PPP2R3B: variants seen among roughly 807,000 people sequenced by gnomAD.
PPP2R3B encodes serine/threonine-protein phosphatase 2A regulatory subunit B'' subunit beta.
Under a neutral mutation model 72.9 loss-of-function variants are expected in PPP2R3B, and 68 were observed. The observed-to-expected ratio is 0.93, with a 90% CI of 0.77 to 1.14. The LOEUF is 1.14. Among genes scored for constraint, PPP2R3B ranks in the 50% most tolerant of loss-of-function variants. The pLI is 0.00. For synonymous variants in PPP2R3B, 466 were observed against 375.8 expected, an observed-to-expected ratio of 1.24 and a Z score of -2.78; for missense variants, 1,018 against 842.0, an observed-to-expected ratio of 1.21 and a Z score of -2.59.
intron 1 of PPP2R3B, among the ~76,000 whole-genome samples, chrX:369,327 AAG>A (rs2071804428): frequency 6.6e-6 from 1 of 152,162 alleles, no homozygotes; most frequent in South Asian, 2.1e-4. Context: ...GTACTTTAAA[AAG>A]AACTTCGTAA....
intron 1 of PPP2R3B, among the ~76,000 whole-genome samples, chrX:378,447 G>T (rs746099005): frequency 6.6e-6 from 1 of 152,144 alleles, no homozygotes; most frequent in African/African-American, 2.4e-5. Context: ...TTACGAAGGC[G>T]ACCTGCCCTT....
intron 2 of PPP2R3B, among the ~76,000 whole-genome samples, chrX:356,325 C>G (rs2071434112): frequency 6.6e-6 from 1 of 152,206 alleles, no homozygotes; most frequent in Non-Finnish European, 1.5e-5. Flanking sequence ...AAGCGATTTT[C>G]CTGTCTCAGC....
intron 1 of PPP2R3B, among the ~76,000 whole-genome samples, chrX:375,985 A>G (rs2071983924): frequency 6.6e-6 from 1 of 152,166 alleles, no homozygotes; most frequent in Non-Finnish European, 1.5e-5. Context: ...TGAGGTCAGG[A>G]GTTCGAGACC....
At chrX:354,233 G>A (rs1384564716) in intron 2 of PPP2R3B, among the ~76,000 whole-genome samples, 1 of 53,984 alleles carries the variant, frequency 1.9e-5, no homozygotes, top group Non-Finnish European at 4.1e-5. Context: ...GGGACCGGGG[G>A]CTCACCCAAA....
rs75770019 is a variant in PPP2R3B at position 356,824 on chromosome X, G to C, written c.510+4581C>G. ...TATCCACACCCTGGCCAGCCACACG[G>C]GAGCCCCACGGTAACCACGCCTTGG... On this transcript the variant is annotated intron_variant, in intron 2 of 12. Transcript: ENST00000390665. Among the ~76,000 whole-genome samples the C allele has an allele frequency of 1.0e-3, 102 of 101,224 alleles. 10 individuals are homozygous for C. Among genetic ancestry groups the C allele is most frequent in the African/African-American group, 3.3e-3 (85 of 25,844 alleles). The allele number at this position is 101,224 out of a possible 152,430, so 66.4% of individuals were successfully genotyped here.
At chrX:342,151 G>A (rs775259291) in intron 7 of PPP2R3B, 9 of 624,356 alleles carry the variant, frequency 1.4e-5, no homozygotes, top group African/African-American at 9.2e-5. Flanking sequence ...TCCACAGAGC[G>A]CAAAGCTGAC....
In PPP2R3B at chrX:383,878, A is replaced by C. The variant is rs770201845; in HGVS notation, c.324+2490T>G. 1.3e-4 allele frequency among the ~76,000 whole-genome samples: 19 copies of C among 150,588 alleles called. No homozygotes were observed. The East Asian group carries it at 1.5e-3, about 12-fold the overall frequency. Reference sequence around the variant, plus strand: ...AAAAAAAAAAAAAAACCAAAAAAACAAAAAAACAACTAAGTTCCCAGTCAT... The same window carrying C: ...AAAAAAAAAAAAAAACCAAAAAAACCAAAAAACAACTAAGTTCCCAGTCAT... On this transcript the variant is annotated intron_variant, in intron 1 of 12. Coordinates refer to ENST00000390665, the MANE Select transcript of PPP2R3B (RefSeq NM_013239.5).
chrX:354,566 G>A (rs763925504), intron 2 of PPP2R3B, among the ~76,000 whole-genome samples: 39 of 152,302 alleles, frequency 2.6e-4, no homozygotes, highest in African/African-American at 8.7e-4. Flanking sequence ...AGTAAACTGA[G>A]GCCAGGCGTG....
At position 347,655 on chromosome X, in the gene PPP2R3B, G is replaced by T. The variant is rs772301560; in HGVS notation, c.549C>A (p.Phe183Leu). 6.4e-6 allele frequency: 10 copies of T among 1,567,394 alleles called. No homozygotes were observed. The highest frequency in any genetic ancestry group is 8.6e-6 in the Non-Finnish European group (10 of 1,157,224). The change falls in exon 3 of 13, where the codon TTC (phenylalanine) becomes TTA (leucine). Residue 183 changes from phenylalanine (F) to leucine (L), a missense_variant. By Grantham distance (22) the Phe-to-Leu change is conservative. Transcript: ENST00000390665. The part of the protein sequence containing the change: ...GCPLYWKGPL[F>L]YGAGGERTGS... ...CCGTGCGCTCCCCGCCGGCGCCATA[G>T]AAGAGCGGCCCCTTCCAGTAGAGGG...
intron 10 of PPP2R3B, 83 bp from the exon 11 acceptor site, chrX:338,979 C>T (rs1182423595): frequency 1.3e-5 from 15 of 1,160,572 alleles, no homozygotes; most frequent in Admixed American, 1.7e-5. Flanking sequence ...CGTCCTGTCA[C>T]ACGTGCTTAA....
intron 1 of PPP2R3B, among the ~76,000 whole-genome samples, chrX:364,841 C>G (rs1329605323): frequency 4.6e-5 from 2 of 43,858 alleles, no homozygotes; most frequent in Admixed American, 2.6e-4. Flanking sequence ...TGAGATCGCA[C>G]CACTGCACTC....
chrX:334,314 CCCGGTGGT>C lies in PPP2R3B; in HGVS notation c.*45_*52del, dbSNP rs1603018212. 7.0e-7 allele frequency: 1 copy of C among 1,430,374 alleles called. No individual in the cohort carries two copies. The highest frequency in any genetic ancestry group is 9.1e-7 in the Non-Finnish European group (1 of 1,096,906). 88.6% of individuals were successfully genotyped at this position (1,430,374 alleles called of 1,614,324 possible). On this transcript the variant is annotated 3_prime_UTR_variant, in exon 13 of 13. Coordinates refer to ENST00000390665, the MANE Select transcript of PPP2R3B (RefSeq NM_013239.5). ...ACAGTTTTTACACGAGCCGCGGTGGCCCGGTGGTGGCACGTGGGGAGCGGCCCCGCGGC... is the reference window on the plus strand; with the variant it reads ...ACAGTTTTTACACGAGCCGCGGTGGCGGCACGTGGGGAGCGGCCCCGCGGC...
At chrX:381,800 G>A (rs1404640294) in intron 1 of PPP2R3B, among the ~76,000 whole-genome samples, 2 of 151,750 alleles carry the variant, frequency 1.3e-5, no homozygotes, top group East Asian at 1.9e-4. Flanking sequence ...GGGTTTCACT[G>A]TGTTAGCCAA....
In PPP2R3B at chrX:340,923, C is replaced by T. The variant is rs1406235374; in HGVS notation, c.1193G>A (p.Arg398His). 1.9e-6 allele frequency: 3 copies of T among 1,611,598 alleles called. No homozygotes were observed. Among genetic ancestry groups the T allele is most frequent in the African/African-American group, 2.7e-5 (2 of 74,906 alleles). The change falls in exon 10 of 13, where the codon CGC becomes CAC. Residue 398 changes from arginine to histidine, a missense_variant. Arg to His is a conservative substitution (Grantham distance 29). Coordinates refer to ENST00000390665, the MANE Select transcript of PPP2R3B (RefSeq NM_013239.5). ...KTPTSIEYWF[R>H]CMDLDGDGAL... ...GCCGTCCCCGTCCAGGTCCATGCAG[C>T]GGAACCAGTACTCGATGCTGCGGCA...
rs1272045832 is a variant in PPP2R3B at position 338,810 on chromosome X, G to A, written c.1438C>T (p.His480Tyr). The A allele has an allele frequency of 1.2e-6, 2 of 1,612,356 alleles. No homozygotes were observed. The highest frequency in any genetic ancestry group is 2.2e-5 in the East Asian group (1 of 44,888). Residue 480 changes from histidine (H) to tyrosine (Y), a missense_variant, in exon 11 of 13, where the codon CAC (histidine) becomes TAC (tyrosine). By Grantham distance (83) the His-to-Tyr change is moderately conservative. Transcript: ENST00000390665. ...AGGGAGATCTGCTCTTTCTGCTCGT[G>A]GTCGAGGTACTTCTCGATGTTGAAG... ...TFFNIEKYLD[H>Y]EQKEQISLLR...
At chrX:370,101 C>T (rs951735613) in intron 1 of PPP2R3B, among the ~76,000 whole-genome samples, 35 of 152,204 alleles carry the variant, frequency 2.3e-4, no homozygotes, top group Admixed American at 5.9e-4. Flanking sequence ...ACCTGCAAAC[C>T]GCACGCTGGA....
At position 334,395 on chromosome X, in the gene PPP2R3B, C is replaced by T; in HGVS notation, c.1700G>A (p.Cys567Tyr). ...CAGCGGCTCCAGGTCCTCGTCCCCG[C>T]ATGCGTACTCGTACAGGTCCACGGC... is the stretch of plus-strand genomic sequence containing the variant. ...LGAVDLYEYA[C>Y]GDEDLEPL Residue 567 changes from cysteine to tyrosine, a missense_variant, in exon 13 of 13, where the codon TGC (cysteine) becomes TAC (tyrosine). Physicochemically the swap from Cys to Tyr is radical, Grantham distance 194. Coordinates refer to ENST00000390665, the MANE Select transcript of PPP2R3B (RefSeq NM_013239.5). 3 of 1,552,872 alleles carry T rather than the reference C, an allele frequency of 1.9e-6. No homozygotes were observed. The highest frequency in any genetic ancestry group is 2.0e-5 in the Admixed American group (1 of 50,062).
intron 1 of PPP2R3B, among the ~76,000 whole-genome samples, chrX:361,996 C>T (rs934243030): frequency 1.1e-4 from 17 of 152,314 alleles, no homozygotes; most frequent in South Asian, 4.1e-4. Flanking sequence ...GCACCCCAGA[C>T]GCCTGAGAGC....
chrX:345,614 T>A lies in PPP2R3B; in HGVS notation c.938A>T (p.Tyr313Phe). ...GCAGTAGATGACGTAGAAATGCTCG[T>A]ACGAGAAGAATTCGGTCAGCTGGTT... Reference protein sequence around the residue: ...DINQLTEFFSYEHFYVIYCKF... With the variant: ...DINQLTEFFSFEHFYVIYCKF... The change falls in exon 7 of 13, where the codon TAC becomes TTC. Residue 313 changes from tyrosine (Y) to phenylalanine (F), a missense_variant. Transcript: ENST00000390665. 1 of 1,613,150 alleles carries A rather than the reference T, an allele frequency of 6.2e-7. No individual in the cohort carries two copies. Among genetic ancestry groups the A allele is most frequent in the African/African-American group, 1.3e-5 (1 of 74,932 alleles).
Sources: allele counts gnomAD v4.1 joint callset (sites outside exome capture counted in the v4.1 genomes callset), GRCh38; gene constraint gnomAD v4.1.1; transcripts MANE v1.5; gene names NCBI Gene and HGNC (gene_info 2026-07-23, HGNC 2026-07-21).